The following TENM3 variants were observed in gnomAD, a reference collection of about 807,000 sequenced individuals.
TENM3 encodes the protein teneurin transmembrane protein 3, also known as teneurin-3.
A neutral mutation model predicts 255.1 loss-of-function variants in TENM3; 63 were observed. That is an observed-to-expected ratio of 0.25 (90% CI 0.20 to 0.30). The LOEUF (loss-of-function observed/expected upper bound fraction) is 0.30, where lower values mean the gene tolerates loss of function less well. Among genes scored for constraint, TENM3 ranks in the 10% least tolerant of loss-of-function variants. The pLI is 1.00. For synonymous variants in TENM3, 1,306 were observed against 1,322.3 expected (o/e 0.99, Z 0.27); for missense variants, 2,929 against 3,461.1 (o/e 0.85, Z 3.86).
At chr4:182,624,100 A>G (rs62339133) in intron 4 of TENM3, among the ~76,000 whole-genome samples, 23,660 of 152,114 alleles carry the variant, frequency 0.16, 2,150 homozygotes, top group Non-Finnish European at 0.21. Context: ...TCCAGGAATC[A>G]CGCGGGGAGG....
intron 3 of TENM3, among the ~76,000 whole-genome samples, chr4:182,494,639 A>G (rs1051851803): frequency 2.6e-5 from 4 of 152,142 alleles, no homozygotes; most frequent in Non-Finnish European, 5.9e-5. Flanking sequence ...GTTTCTGTAC[A>G]TTCCCTTGAA....
chr4:182,049,538 G>A, the TENM3 span, among the ~76,000 whole-genome samples: 28 of 152,212 alleles, frequency 1.8e-4, no homozygotes, highest in Non-Finnish European at 3.2e-4. Context: ...TAGCTTCAGC[G>A]GGGAAGTTCA....
chr4:182,130,467 A>G, the TENM3 span, among the ~76,000 whole-genome samples: 1 of 152,204 alleles, frequency 6.6e-6, no homozygotes, highest in Non-Finnish European at 1.5e-5. Flanking sequence ...ACATTGTACT[A>G]TGTGTTTAAG....
At chr4:182,213,824 C>T (rs765867098) in intron 1 of TENM3, among the ~76,000 whole-genome samples, 33 of 152,178 alleles carry the variant, frequency 2.2e-4, no homozygotes, top group Non-Finnish European at 4.4e-4. Flanking sequence ...TTTTTTGAGA[C>T]AGAGTCTCCC....
At chr4:182,096,189 C>A in the TENM3 span, among the ~76,000 whole-genome samples, 1 of 151,408 alleles carries the variant, frequency 6.6e-6, no homozygotes, top group East Asian at 1.9e-4. Context: ...ATCAAAGAAG[C>A]TATCAATCAC....
chr4:181,903,655 T>G, the TENM3 span, among the ~76,000 whole-genome samples: 13,261 of 152,266 alleles, frequency 0.087, 707 homozygotes, highest in East Asian at 0.2. Context: ...ATATTGCTGC[T>G]AAGGTCCTTC....
the TENM3 span, among the ~76,000 whole-genome samples, chr4:181,921,610 C>T: frequency 3.3e-5 from 5 of 152,160 alleles, no homozygotes; most frequent in African/African-American, 1.2e-4. Context: ...GCTGAAGTTG[C>T]TTATCAGCTT....
the TENM3 span, among the ~76,000 whole-genome samples, chr4:181,699,455 AAAAAAAAAAAAAAAAAAG>A: frequency 7.2e-6 from 1 of 139,176 alleles, no homozygotes. Flanking sequence ...AAAAAAAAAA[AAAAAAAAAAAAAAAAAAG>A]AAAGAAAGAA....
intron 22 of TENM3, among the ~76,000 whole-genome samples, chr4:182,763,379 C>G (rs900372074): frequency 2.0e-5 from 3 of 152,114 alleles, no homozygotes; most frequent in African/African-American, 7.2e-5. Context: ...TCCTAGCTAA[C>G]ACGGTGAAAC....
At chr4:181,478,588 A>G in the TENM3 span, among the ~76,000 whole-genome samples, 16 of 152,208 alleles carry the variant, frequency 1.1e-4, no homozygotes, top group African/African-American at 3.9e-4. Flanking sequence ...GGCCATTTTC[A>G]ATCCTTCATT....
chr4:182,064,534 G>A, the TENM3 span, among the ~76,000 whole-genome samples: 2,429 of 152,078 alleles, frequency 0.016, 45 homozygotes, highest in Middle Eastern at 0.024. Flanking sequence ...AGTGAGCCGA[G>A]ATCGCACCAC....
chr4:181,628,840 C>G, the TENM3 span, among the ~76,000 whole-genome samples: 11 of 152,018 alleles, frequency 7.2e-5, no homozygotes, highest in Non-Finnish European at 1.3e-4. Context: ...TCCATATGAA[C>G]TTTAAAGTGT....
chr4:182,799,826 G>C lies in TENM3; in HGVS notation c.7575G>C (p.Ala2525=). 3.1e-6 allele frequency: 5 copies of C among 1,610,004 alleles called. No individual in the cohort carries two copies. Among genetic ancestry groups the C allele is most frequent in the Non-Finnish European group, 4.2e-6 (5 of 1,178,502 alleles). ...CCAACGAGGACTGCATCAAGGTGGC[G>C]GCCGTGCTCAACAACGCCTTCTACC... is the stretch of plus-strand genomic sequence containing the variant. ...NIANEDCIKV[A]AVLNNAFYLE... is the part of the protein sequence containing the mutation. The change falls in exon 28 of 28, where the codon GCG becomes GCC. Residue 2525 remains alanine (A), a synonymous_variant. Transcript: ENST00000511685. The surrounding 1 kb of genome is among the most constrained non-coding windows in gnomAD (Gnocchi z 4.2).
At chr4:182,331,667 A>G (rs1454044071) in intron 2 of TENM3, among the ~76,000 whole-genome samples, 1 of 152,208 alleles carries the variant, frequency 6.6e-6, no homozygotes, top group African/African-American at 2.4e-5. Context: ...GAGAATAAAG[A>G]TATATTAGGT....
the TENM3 span, among the ~76,000 whole-genome samples, chr4:181,547,100 G>C: frequency 1.2e-4 from 18 of 152,244 alleles, no homozygotes; most frequent in East Asian, 3.5e-3. Context: ...AAACATTGGA[G>C]AAAAGCCTCT....
chr4:181,765,931 AT>A, the TENM3 span, among the ~76,000 whole-genome samples: 3 of 152,256 alleles, frequency 2.0e-5, no homozygotes, highest in Non-Finnish European at 4.4e-5. Context: ...GTGTTAAGTT[AT>A]GTGGATCAGC....
the TENM3 span, among the ~76,000 whole-genome samples, chr4:181,597,366 A>C: frequency 1.3e-5 from 2 of 152,222 alleles, no homozygotes; most frequent in Non-Finnish European, 2.9e-5. Flanking sequence ...TTTAATCTCA[A>C]AAACACCTGA....
At chr4:181,926,735 A>G in the TENM3 span, among the ~76,000 whole-genome samples, 8 of 151,902 alleles carry the variant, frequency 5.3e-5, no homozygotes, top group African/African-American at 1.7e-4. Flanking sequence ...ATGGCCAAAT[A>G]GGAACAGCTC....
chr4:182,722,490 G>A (rs1759816861), intron 13 of TENM3, among the ~76,000 whole-genome samples: 1 of 152,112 alleles, frequency 6.6e-6, no homozygotes, highest in East Asian at 1.9e-4. Context: ...GAGCCCTCAA[G>A]GAGCTTAATG....
Sources: gnomAD v4.1 joint callset for allele counts (sites outside exome capture counted in the v4.1 genomes callset) on GRCh38, gnomAD v4.1.1 for gene constraint, Gnocchi (gnomAD v3.1) non-coding constraint, MANE v1.5 for transcripts, NCBI Gene and HGNC (gene_info 2026-07-23, HGNC 2026-07-21) for gene names.